The following MALRD1 variants were observed in gnomAD, a reference collection of about 807,000 sequenced individuals.
MALRD1 encodes MAM and LDL-receptor class A domain-containing protein 1.
A neutral mutation model predicts 242.1 loss-of-function variants in MALRD1; 247 were observed. That is an observed-to-expected ratio of 1.02 (90% CI 0.92 to 1.13). The LOEUF is 1.13. Among genes scored for constraint, MALRD1 ranks in the 50% most tolerant of loss-of-function variants. The pLI, the probability that MALRD1 is intolerant of heterozygous loss-of-function variation, is 0.00. For missense variants in MALRD1, 2,989 were observed against 2,533.1 expected (o/e 1.18, Z -3.86); for synonymous variants, 995 against 866.6 (o/e 1.15, Z -2.60).
intron 21 of MALRD1, among the ~76,000 whole-genome samples, chr10:19,306,776 G>A (rs964367492): frequency 8.0e-5 from 12 of 150,388 alleles, no homozygotes; most frequent in South Asian, 2.2e-4. Context: ...GGAAGCAAAC[G>A]TTTCCTTTTC....
intron 4 of MALRD1, among the ~76,000 whole-genome samples, chr10:19,100,061 ATT>A (rs1037042390): frequency 6.6e-6 from 1 of 151,992 alleles, no homozygotes; most frequent in East Asian, 1.9e-4. Context: ...ATAATAATAA[ATT>A]TTTTTCTTTT....
At chr10:19,086,817 A>T (rs1835683663) in intron 2 of MALRD1, among the ~76,000 whole-genome samples, 1 of 152,046 alleles carries the variant, frequency 6.6e-6, no homozygotes, top group Admixed American at 6.6e-5. Context: ...AGGGTTCAGG[A>T]TGGGCGAGCT....
intron 14 of MALRD1, 61 bp downstream of exon 14, chr10:19,175,389 A>T (rs1835185595): frequency 8.4e-7 from 1 of 1,185,856 alleles, no homozygotes. Flanking sequence ...TCTCAGTATC[A>T]AAATATAAAA....
intron 17 of MALRD1, 135 bp from the exon 18 acceptor site, chr10:19,209,133 A>G (rs1164620226): frequency 2.7e-6 from 2 of 738,230 alleles, no homozygotes; most frequent in Non-Finnish European, 4.0e-6. Flanking sequence ...TCAGTGTTGG[A>G]TTTTAAAAAT....
chr10:19,143,676 C>A (rs1026585605), intron 10 of MALRD1, among the ~76,000 whole-genome samples: 2 of 152,122 alleles, frequency 1.3e-5, no homozygotes, highest in African/African-American at 2.4e-5. Context: ...TTGGAGGTAA[C>A]CTTGTAGAGA....
At chr10:19,437,206 G>A (rs973074597) in intron 28 of MALRD1, among the ~76,000 whole-genome samples, 2 of 152,072 alleles carry the variant, frequency 1.3e-5, no homozygotes, top group Admixed American at 6.6e-5. Flanking sequence ...ATGATGGCTT[G>A]GGTATTGGTC....
chr10:19,133,201 T>C (rs1160310633), intron 8 of MALRD1, among the ~76,000 whole-genome samples: 1 of 152,186 alleles, frequency 6.6e-6, no homozygotes, highest in Non-Finnish European at 1.5e-5. Flanking sequence ...GGCTTGTTAC[T>C]ACACTCATAG....
chr10:19,280,070 A>G lies in MALRD1; in HGVS notation c.3103A>G (p.Thr1035Ala), dbSNP rs2131877972. The G allele has an allele frequency of 6.6e-7, 1 of 1,515,838 alleles. No individual in the cohort carries two copies. The highest frequency in any genetic ancestry group is 8.8e-7 in the Non-Finnish European group (1 of 1,134,656). The allele number at this position is 1,515,838 out of a possible 1,614,324, so 93.9% of individuals were successfully genotyped here. A position where few individuals can be genotyped will look rare whatever the true frequency, so the allele number is the denominator to read the frequency against. ...YPGNLPADLP[T>A]PPETSVPVTL... ...AGGTAATTTGCCAGCAGACCTCCCA[A>G]CTCCACCAGAAACGTCAGTTCCTGT... is the stretch of plus-strand genomic sequence containing the variant. Residue 1035 changes from threonine to alanine, a missense_variant, in exon 20 of 40, where the codon ACT becomes GCT. Coordinates refer to ENST00000454679, the MANE Select transcript of MALRD1 (RefSeq NM_001142308.3).
chr10:19,522,969 C>A (rs10494864), intron 31 of MALRD1, among the ~76,000 whole-genome samples: 5,792 of 152,244 alleles, frequency 0.038, 211 homozygotes, highest in African/African-American at 0.097. Flanking sequence ...CAATAACTTG[C>A]AATTAATTGT....
chr10:19,479,722 A>G (rs568511607), intron 29 of MALRD1, among the ~76,000 whole-genome samples: 2 of 152,314 alleles, frequency 1.3e-5, no homozygotes, highest in African/African-American at 4.8e-5. Context: ...TTTATCTCCT[A>G]TCCATTTTAC....
chr10:19,617,043 A>G (rs1290111956), intron 36 of MALRD1, among the ~76,000 whole-genome samples: 1 of 152,044 alleles, frequency 6.6e-6, no homozygotes, highest in Non-Finnish European at 1.5e-5. Flanking sequence ...GAATGATGCC[A>G]AAAAGTTTAT....
At position 19,175,480 on chromosome 10, in the gene MALRD1, A is replaced by G. The variant is rs1441223360; in HGVS notation, c.1951+152A>G. Among the ~76,000 whole-genome samples, 4 of 149,246 alleles carry G rather than the reference A, an allele frequency of 2.7e-5. No homozygotes were observed. The East Asian group carries it at 7.8e-4, about 29-fold the overall frequency. Reference sequence around the variant, plus strand: ...AAACCTAAAATATATATATATATATATATTTTAAAAGGTAAACATCTGGTC... The same window carrying G: ...AAACCTAAAATATATATATATATATGTATTTTAAAAGGTAAACATCTGGTC... On this transcript the variant is annotated intron_variant, in intron 14 of 39. Transcript: ENST00000454679.
At chr10:19,335,495 A>G (rs781012775) in intron 24 of MALRD1, among the ~76,000 whole-genome samples, 3 of 152,134 alleles carry the variant, frequency 2.0e-5, no homozygotes, top group Non-Finnish European at 4.4e-5. Flanking sequence ...AAGTGGTGTT[A>G]TTATATTTAT....
rs866372491 is a variant in MALRD1 at position 19,172,035 on chromosome 10, A to G, written c.1831-3173A>G. Among the ~76,000 whole-genome samples, 45 of 7,998 alleles carry G rather than the reference A, an allele frequency of 5.6e-3. 2 individuals are homozygous for G. The highest frequency in any genetic ancestry group is 0.038 in the African/African-American group (36 of 938). The allele number at this position is 7,998 out of a possible 152,430, so 5.2% of individuals were successfully genotyped here. A position where few individuals can be genotyped will look rare whatever the true frequency, so the allele number is the denominator to read the frequency against. ...GTGATATATATCATATATCACATAT[A>G]TGTGATATATATCATATATCACATA... On this transcript the variant is annotated intron_variant, in intron 13 of 39. Transcript: ENST00000454679.
intron 29 of MALRD1, among the ~76,000 whole-genome samples, chr10:19,478,281 AAAGT>A (rs1355665390): frequency 6.6e-6 from 1 of 152,158 alleles, no homozygotes; most frequent in Non-Finnish European, 1.5e-5. Flanking sequence ...TCCCAAGACA[AAAGT>A]AAGATGCTCA....
chr10:19,326,182 T>C (rs1843129099), intron 22 of MALRD1, among the ~76,000 whole-genome samples: 1 of 152,108 alleles, frequency 6.6e-6, no homozygotes, highest in Non-Finnish European at 1.5e-5. Context: ...TAAATTGACT[T>C]TTTAAAAATG....
chr10:19,282,698 T>A (rs1840876660), intron 20 of MALRD1, among the ~76,000 whole-genome samples: 1 of 152,170 alleles, frequency 6.6e-6, no homozygotes, highest in Non-Finnish European at 1.5e-5. Context: ...AACTTGGAGA[T>A]CATGCAAGCA....
intron 28 of MALRD1, among the ~76,000 whole-genome samples, chr10:19,393,703 A>G (rs943916782): frequency 1.3e-5 from 2 of 149,526 alleles, no homozygotes; most frequent in African/African-American, 4.9e-5. Context: ...TGATCTGCCC[A>G]CCTTGGCCTC....
intron 19 of MALRD1, 63 bp downstream of exon 19, chr10:19,257,834 G>C: frequency 9.0e-7 from 1 of 1,111,062 alleles, no homozygotes; most frequent in Non-Finnish European, 1.2e-6. Context: ...AACTTGCAAG[G>C]AAATCAATAT....
Sources: gnomAD v4.1 joint callset for allele counts (sites outside exome capture counted in the v4.1 genomes callset) on GRCh38, gnomAD v4.1.1 for gene constraint, MANE v1.5 for transcripts, NCBI Gene and HGNC (gene_info 2026-07-23, HGNC 2026-07-21) for gene names.